Variants in CCDC6 observed in about 807,000 individuals in gnomAD.
CCDC6 encodes the protein coiled-coil domain-containing protein 6.
CCDC6 carries 20 observed loss-of-function variants against 56.6 expected under a neutral mutation model. The ratio of observed to expected loss-of-function variants is 0.35; its 90% CI spans 0.25 to 0.51. CCDC6 has a LOEUF of 0.51. CCDC6 is among the 20% of genes least tolerant of loss of function. CCDC6 has a pLI of 0.95. For synonymous variants in CCDC6, 241 were observed against 234.4 expected, an observed-to-expected ratio of 1.03 and a Z score of -0.26; for missense variants, 367 against 601.1, an observed-to-expected ratio of 0.61 and a Z score of 4.07.
rs1391091421 is a variant in CCDC6, at chr10:59,820,127, T to C, written c.583-5372A>G. On this transcript the variant is annotated intron_variant, in intron 3 of 8. Coordinates refer to ENST00000263102, the MANE Select transcript of CCDC6 (RefSeq NM_005436.5). ...CACTTGTGTCTTCTCAGTAGACAGATCCTGACCAAAGAAGCAGAAAGGGAG... is the reference window on the plus strand; with the variant it reads ...CACTTGTGTCTTCTCAGTAGACAGACCCTGACCAAAGAAGCAGAAAGGGAG... Among the ~76,000 whole-genome samples, 7 of 152,328 alleles carry C rather than the reference T, an allele frequency of 4.6e-5. No homozygotes were observed. The East Asian group carries it at 1.4e-3, about 29-fold the overall frequency.
intron 3 of CCDC6, among the ~76,000 whole-genome samples, chr10:59,827,278 CAATG>C: frequency 6.6e-6 from 1 of 152,230 alleles, no homozygotes; most frequent in Non-Finnish European, 1.5e-5. Context: ...ATTTTAATAA[CAATG>C]AAATATGATT....
At chr10:59,878,041 A>C (rs186775695) in intron 1 of CCDC6, among the ~76,000 whole-genome samples, 202 of 152,318 alleles carry the variant, frequency 1.3e-3, no homozygotes, top group Admixed American at 8.8e-3. Flanking sequence ...TGCCATTTCA[A>C]AGCATTTCAA....
intron 5 of CCDC6, among the ~76,000 whole-genome samples, chr10:59,811,708 C>T (rs921426734): frequency 1.3e-5 from 2 of 151,904 alleles, no homozygotes; most frequent in African/African-American, 4.8e-5. Context: ...CCTGAGGAAC[C>T]CACAGATAGG....
At chr10:59,849,447 T>C (rs1407204477) in intron 2 of CCDC6, among the ~76,000 whole-genome samples, 1 of 152,210 alleles carries the variant, frequency 6.6e-6, no homozygotes, top group African/African-American at 2.4e-5. Context: ...GCAAACTTGA[T>C]TCTATTTTTT....
At chr10:59,806,801 G>C (rs1171611177) in intron 6 of CCDC6, 121 bp downstream of exon 6, 2 of 774,696 alleles carry the variant, frequency 2.6e-6, no homozygotes, top group Non-Finnish European at 4.0e-6. Context: ...GCATTCATTA[G>C]CACAATAAAT....
intron 8 of CCDC6, among the ~76,000 whole-genome samples, chr10:59,793,677 G>A (rs747181550): frequency 7.2e-5 from 11 of 152,110 alleles, no homozygotes; most frequent in Non-Finnish European, 1.5e-4. Flanking sequence ...CCAGCTACTC[G>A]GGAGGCTGAG....
At chr10:59,840,565 T>A (rs934999297) in intron 2 of CCDC6, among the ~76,000 whole-genome samples, 41 of 152,210 alleles carry the variant, frequency 2.7e-4, no homozygotes, top group Non-Finnish European at 8.8e-5. Context: ...AATTTATATC[T>A]CTAGCCCAGA....
intron 3 of CCDC6, among the ~76,000 whole-genome samples, chr10:59,828,601 G>A (rs1480714076): frequency 6.6e-6 from 1 of 152,080 alleles, no homozygotes; most frequent in Non-Finnish European, 1.5e-5. Flanking sequence ...AGAACCAGGG[G>A]ACCACGTTTG....
chr10:59,879,567 A>C (rs992120353), intron 1 of CCDC6, among the ~76,000 whole-genome samples: 6 of 131,154 alleles, frequency 4.6e-5, no homozygotes, highest in African/African-American at 1.8e-4. Context: ...ATCACTGTGA[A>C]ACCCACAAAA....
chr10:59,835,701 T>C lies in CCDC6; in HGVS notation c.454-3048A>G, dbSNP rs183094591. ...CATGCAACAGAAGCAGAGCATGGAG[T>C]TCCTGAACAAAGACTAGAAACAGAA... On this transcript the variant is annotated intron_variant, in intron 2 of 8. Transcript: ENST00000263102. Among the ~76,000 whole-genome samples, 37 of 151,820 alleles carry C rather than the reference T, an allele frequency of 2.4e-4. No homozygotes were observed. In the East Asian group the frequency reaches 7.0e-3, roughly 29 times the overall value.
intron 3 of CCDC6, among the ~76,000 whole-genome samples, chr10:59,828,097 A>T (rs917217407): frequency 1.3e-5 from 2 of 152,170 alleles, no homozygotes; most frequent in African/African-American, 4.8e-5. Context: ...CCTAAGTGGC[A>T]GAACATATTA....
At position 59,890,096 on chromosome 10, in the gene CCDC6, G is replaced by A. The variant is rs80018514; in HGVS notation, c.303+16026C>T. 1.8e-3 allele frequency among the ~76,000 whole-genome samples: 273 copies of A among 152,258 alleles called. 1 individual carries two copies. The highest frequency in any genetic ancestry group is 2.9e-3 in the Non-Finnish European group (196 of 68,036). On this transcript the variant is annotated intron_variant, in intron 1 of 8. Coordinates refer to ENST00000263102, the MANE Select transcript of CCDC6 (RefSeq NM_005436.5). ...CACTTCTCTCAGGAAGCTGAGGCTC[G>A]TCAAGAAAGACATGACTGATGTCTC... is the stretch of plus-strand genomic sequence containing the variant.
At chr10:59,806,602 T>G in intron 6 of CCDC6, 1 of 255,310 alleles carries the variant, frequency 3.9e-6, no homozygotes, top group Non-Finnish European at 7.7e-6. Flanking sequence ...TTCCCATGCT[T>G]TAAACAGATA....
chr10:59,826,128 G>A (rs1009390362), intron 3 of CCDC6, among the ~76,000 whole-genome samples: 1 of 152,132 alleles, frequency 6.6e-6, no homozygotes, highest in Non-Finnish European at 1.5e-5. Flanking sequence ...GTAGAGCTAT[G>A]TGGCTTCCTT....
rs1313919357 is a variant in CCDC6, at chr10:59,832,670, A to G, written c.454-17T>C. On this transcript the variant is annotated splice_polypyrimidine_tract_variant and intron_variant, in intron 2 of 8. Transcript: ENST00000263102. Reference sequence around the variant, plus strand: ...ATGCTGCAACTGGAAAATGAAAAACACCGAGATGTGGAAATCAGGCAACTC... The same window carrying G: ...ATGCTGCAACTGGAAAATGAAAAACGCCGAGATGTGGAAATCAGGCAACTC... 2.5e-6 allele frequency: 4 copies of G among 1,609,742 alleles called. No individual in the cohort carries two copies. The highest frequency in any genetic ancestry group is 2.7e-5 in the African/African-American group (2 of 74,548).
chr10:59,885,929 C>A (rs1198128869), intron 1 of CCDC6, among the ~76,000 whole-genome samples: 1 of 127,074 alleles, frequency 7.9e-6, no homozygotes, highest in African/African-American at 3.1e-5. Flanking sequence ...CCCGCCCCCC[C>A]AACTAGAATA....
chr10:59,852,237 A>AC (rs1465981308), intron 2 of CCDC6, among the ~76,000 whole-genome samples: 1 of 152,162 alleles, frequency 6.6e-6, no homozygotes, highest in East Asian at 1.9e-4. Context: ...AAAGGAGAAA[A>AC]ATTTCACATT....
intron 2 of CCDC6, among the ~76,000 whole-genome samples, chr10:59,846,607 T>G (rs1386813170): frequency 6.6e-6 from 1 of 152,200 alleles, no homozygotes; most frequent in African/African-American, 2.4e-5. Flanking sequence ...TGCCCCCTAT[T>G]AGGATATGGC....
intron 1 of CCDC6, among the ~76,000 whole-genome samples, chr10:59,898,576 A>C (rs2071481020): frequency 6.6e-6 from 1 of 152,196 alleles, no homozygotes; most frequent in Non-Finnish European, 1.5e-5. Flanking sequence ...CCAAGGCTGG[A>C]GAGAAAGGCT....
Sources: gnomAD v4.1 joint callset for allele counts (sites outside exome capture counted in the v4.1 genomes callset) on GRCh38, gnomAD v4.1.1 for gene constraint, MANE v1.5 for transcripts, NCBI Gene and HGNC (gene_info 2026-07-23, HGNC 2026-07-21) for gene names.